RASA1: variants seen among roughly 807,000 people sequenced by gnomAD.
The protein encoded by RASA1 is ras GTPase-activating protein 1.
A neutral mutation model predicts 132.2 loss-of-function variants in RASA1; 25 were observed. The ratio of observed to expected loss-of-function variants is 0.19; its 90% confidence interval spans 0.14 to 0.26. The LOEUF is 0.26. Among genes scored for constraint, RASA1 ranks in the 10% least tolerant of loss-of-function variants. The probability of loss-of-function intolerance (pLI) is 1.00; values close to 1 mark genes in which losing one functional copy is unlikely to be tolerated. For synonymous variants in RASA1, 477 were observed against 449.9 expected (o/e 1.06, Z -0.76); for missense variants, 964 against 1,299.2 (o/e 0.74, Z 3.97).
chr5:87,283,145 TGTG>T (rs1754393482), intron 1 of RASA1, among the ~76,000 whole-genome samples: 1 of 142,840 alleles, frequency 7.0e-6, no homozygotes, highest in African/African-American at 2.5e-5. Context: ...GTTTTTTTTT[TGTG>T]TTTTTTTTTT....
intron 1 of RASA1, among the ~76,000 whole-genome samples, chr5:87,295,510 A>G (rs1755080479): frequency 6.7e-6 from 1 of 149,268 alleles, no homozygotes; most frequent in African/African-American, 2.5e-5. Context: ...TATTTATTTT[A>G]TTTTATTTAT....
Position 87,268,164 on chromosome 5 carries a change from C to T in RASA1, c.-288C>T, listed in dbSNP as rs1753647013. 2.0e-6 allele frequency: 1 copy of T among 500,406 alleles called. No homozygotes were observed. Among genetic ancestry groups the T allele is most frequent in the Non-Finnish European group, 3.5e-6 (1 of 285,298 alleles). The allele number at this position is 500,406 out of a possible 1,614,324, so 31.0% of individuals were successfully genotyped here. On this transcript the variant is annotated 5_prime_UTR_variant, in exon 1 of 25. Coordinates refer to ENST00000274376, the MANE Select transcript of RASA1 (RefSeq NM_002890.3). Reference sequence around the variant, plus strand: ...CAGCGAGGAAGTTTTCGCTTCTGTACATGTGTTTGTGTGCGTGAGTGTGGG... The same window carrying T: ...CAGCGAGGAAGTTTTCGCTTCTGTATATGTGTTTGTGTGCGTGAGTGTGGG...
rs139524230 is a variant in RASA1, at chr5:87,382,897, C to T, written c.2691-816C>T. On this transcript the variant is annotated intron_variant, in intron 20 of 24. Transcript: ENST00000274376. Reference sequence around the variant, plus strand: ...AGGAATTTGAAATTGTCCTGGGCACCGTAGCGAGACTCTGCTTTCTACAAA... The same window carrying T: ...AGGAATTTGAAATTGTCCTGGGCACTGTAGCGAGACTCTGCTTTCTACAAA... Among the ~76,000 whole-genome samples the T allele has an allele frequency of 2.7e-3, 404 of 151,030 alleles. 5 individuals are homozygous for T. The highest frequency in any genetic ancestry group is 8.5e-3 in the East Asian group (44 of 5,148).
At chr5:87,376,262 A>G (rs1761320488) in intron 15 of RASA1, 131 bp from the exon 16 acceptor site, 12 of 994,998 alleles carry the variant, frequency 1.2e-5, no homozygotes, top group Non-Finnish European at 1.7e-5. Flanking sequence ...TGAATTTGTG[A>G]TGTTACTGAA....
At chr5:87,287,788 GCCATATATATACACACCATATATATA>G (rs1561257570) in intron 1 of RASA1, among the ~76,000 whole-genome samples, 3 of 52,498 alleles carry the variant, frequency 5.7e-5, no homozygotes, top group South Asian at 6.3e-4. Context: ...ATATGTACAC[GCCATATATATACACACCATATATATA>G]CCATATATAC....
chr5:87,338,311 C>T (rs570801105), intron 5 of RASA1, among the ~76,000 whole-genome samples: 8 of 151,358 alleles, frequency 5.3e-5, no homozygotes, highest in Admixed American at 2.0e-4. Flanking sequence ...GTATGATTTT[C>T]TATGAATTAA....
In RASA1 at chr5:87,268,841, A is replaced by G. The variant is rs1753691356; in HGVS notation, c.390A>G (p.Pro130=). 6.2e-7 allele frequency: 1 copy of G among 1,614,052 alleles called. No homozygotes were observed. Among genetic ancestry groups the G allele is most frequent in the Non-Finnish European group, 8.5e-7 (1 of 1,180,016 alleles). The change falls in exon 1 of 25, where the codon CCA becomes CCG. Residue 130 remains proline (P), a synonymous_variant. Coordinates refer to ENST00000274376, the MANE Select transcript of RASA1 (RefSeq NM_002890.3). ...PTSLLAETLG[P]GGGFPPLPPP... is the part of the protein sequence containing the mutation. ...CGTTGCTTGCTGAGACTCTCGGGCC[A>G]GGCGGCGGTTTTCCCCCTCTGCCCC...
intron 1 of RASA1, among the ~76,000 whole-genome samples, chr5:87,308,018 T>A (rs1384228826): frequency 6.6e-6 from 1 of 152,188 alleles, no homozygotes; most frequent in Admixed American, 6.5e-5. Flanking sequence ...CCTTAGCTTC[T>A]TATCTGTGTA....
chr5:87,380,114 T>C (rs950124070), intron 19 of RASA1, among the ~76,000 whole-genome samples: 1 of 152,104 alleles, frequency 6.6e-6, no homozygotes, highest in African/African-American at 2.4e-5. Context: ...AGATTTGAGA[T>C]TGTAAAAGAT....
Position 87,386,784 on chromosome 5 carries a change from G to T in RASA1, c.2848-42G>T, listed in dbSNP as rs1158177186. On this transcript the variant is annotated intron_variant, in intron 22 of 24. Coordinates refer to ENST00000274376, the MANE Select transcript of RASA1 (RefSeq NM_002890.3). ...CACCAACCTAATAGATCAAACAGTG[G>T]TTTGTTTCTGGTGCATATAACAGAA... 3.2e-6 allele frequency: 5 copies of T among 1,541,042 alleles called. No homozygotes were observed. In the Admixed American group the frequency reaches 6.7e-5, roughly 21 times the overall value.
intron 5 of RASA1, among the ~76,000 whole-genome samples, chr5:87,339,762 A>G (rs543390503): frequency 6.6e-6 from 1 of 152,200 alleles, no homozygotes; most frequent in Non-Finnish European, 1.5e-5. Flanking sequence ...TAGTAACATT[A>G]TAAATTAATA....
At chr5:87,376,786 A>G (rs1326012701) in intron 16 of RASA1, 95 bp from the exon 17 acceptor site, 3 of 1,341,474 alleles carry the variant, frequency 2.2e-6, no homozygotes, top group East Asian at 2.3e-5. Flanking sequence ...CATTTTAAAT[A>G]TAAGAACTTG....
intron 11 of RASA1, among the ~76,000 whole-genome samples, chr5:87,365,272 T>G (rs376375115): frequency 1.3e-5 from 2 of 152,182 alleles, no homozygotes; most frequent in South Asian, 2.1e-4. Context: ...ATTATAACAC[T>G]CGAAATCATA....
intron 23 of RASA1, among the ~76,000 whole-genome samples, chr5:87,388,381 G>A (rs1425121333): frequency 6.6e-6 from 1 of 152,136 alleles, no homozygotes; most frequent in East Asian, 1.9e-4. Flanking sequence ...GGCATTTAGT[G>A]TCGATAATAA....
chr5:87,391,170 G>A lies in RASA1; in HGVS notation c.*287G>A. The A allele has an allele frequency of 3.8e-6, 2 of 527,038 alleles. No individual in the cohort carries two copies. The highest frequency in any genetic ancestry group is 6.8e-6 in the Non-Finnish European group (2 of 293,090). 32.6% of individuals were successfully genotyped at this position (527,038 alleles called of 1,614,324 possible). A position where few individuals can be genotyped will look rare whatever the true frequency, so the allele number is the denominator to read the frequency against. ...TTTCACAAAACGAAATGCTATGACT[G>A]TATCTTGATATCTCGAACTTTCAAA... On this transcript the variant is annotated 3_prime_UTR_variant, in exon 25 of 25. Transcript: ENST00000274376.
chr5:87,378,093 A>G (rs1166328900), intron 17 of RASA1, among the ~76,000 whole-genome samples: 1 of 152,220 alleles, frequency 6.6e-6, no homozygotes, highest in East Asian at 1.9e-4. Context: ...TCCTAATTTT[A>G]TCATTAGCTG....
intron 21 of RASA1, among the ~76,000 whole-genome samples, chr5:87,385,057 C>T (rs1043840075): frequency 1.3e-5 from 2 of 152,000 alleles, no homozygotes; most frequent in Non-Finnish European, 1.5e-5. Context: ...TTTTGTAGTA[C>T]CCTTTTCGCA....
chr5:87,298,956 C>T (rs1755237048), intron 1 of RASA1, among the ~76,000 whole-genome samples: 1 of 152,172 alleles, frequency 6.6e-6, no homozygotes, highest in Admixed American at 6.5e-5. Flanking sequence ...AATTTGAGAA[C>T]TTCTGCATTT....
intron 7 of RASA1, among the ~76,000 whole-genome samples, chr5:87,347,531 A>G (rs954260945): frequency 6.6e-6 from 1 of 152,000 alleles, no homozygotes; most frequent in African/African-American, 2.4e-5. Context: ...TGACTATTCA[A>G]TAGTTTCTAT....
Sources: allele counts gnomAD v4.1 joint callset (sites outside exome capture counted in the v4.1 genomes callset), GRCh38; gene constraint gnomAD v4.1.1; transcripts MANE v1.5; gene names NCBI Gene and HGNC (gene_info 2026-07-23, HGNC 2026-07-21).